Variants in MALRD1 observed in about 807,000 individuals in gnomAD.
The protein encoded by MALRD1 is MAM and LDL-receptor class A domain-containing protein 1.
A neutral mutation model predicts 242.1 loss-of-function variants in MALRD1; 247 were observed. That is an observed-to-expected ratio of 1.02 (90% CI 0.92 to 1.13). The LOEUF (loss-of-function observed/expected upper bound fraction) is 1.13, where lower values mean the gene tolerates loss of function less well. Among genes scored for constraint, MALRD1 ranks in the 50% most tolerant of loss-of-function variants. The pLI, the probability that MALRD1 is intolerant of heterozygous loss-of-function variation, is 0.00. For synonymous variants in MALRD1, 995 were observed against 866.6 expected, an observed-to-expected ratio of 1.15 and a Z score of -2.60; for missense variants, 2,989 against 2,533.1, an observed-to-expected ratio of 1.18 and a Z score of -3.86.
chr10:19,266,977 T>C (rs1318522296), intron 19 of MALRD1, among the ~76,000 whole-genome samples: 1 of 152,036 alleles, frequency 6.6e-6, no homozygotes, highest in East Asian at 1.9e-4. Flanking sequence ...AAAGGAAGTA[T>C]TTGCTTTTCA....
chr10:19,101,765 G>C (rs1450600563), intron 4 of MALRD1, among the ~76,000 whole-genome samples: 2 of 133,820 alleles, frequency 1.5e-5, no homozygotes, highest in African/African-American at 5.4e-5. Context: ...ATTATAATAT[G>C]TATATTATAT....
chr10:19,130,751 A>G (rs796235705), intron 8 of MALRD1, among the ~76,000 whole-genome samples: 5 of 152,232 alleles, frequency 3.3e-5, no homozygotes, highest in African/African-American at 1.2e-4. Flanking sequence ...GTAATTATGA[A>G]TGTATATAGA....
At chr10:19,088,536 C>CTTTT (rs748953378) in intron 4 of MALRD1, among the ~76,000 whole-genome samples, 32 of 109,990 alleles carry the variant, frequency 2.9e-4, no homozygotes, top group Non-Finnish European at 4.1e-4. Context: ...CTCTTTCTTT[C>CTTTT]TTTTTTTTTT....
chr10:19,228,448 T>G (rs1312397863), intron 18 of MALRD1, among the ~76,000 whole-genome samples: 2 of 152,212 alleles, frequency 1.3e-5, no homozygotes, highest in African/African-American at 4.8e-5. Flanking sequence ...GCAGATTTTC[T>G]GTATCTTGAT....
Position 19,234,336 on chromosome 10 carries a change from A to G in MALRD1, c.2992-23348A>G, listed in dbSNP as rs149865416. On this transcript the variant is annotated intron_variant, in intron 18 of 39. Coordinates refer to ENST00000454679, the MANE Select transcript of MALRD1 (RefSeq NM_001142308.3). The stretch of plus-strand genomic sequence containing the variant: ...CTTAAAAATACTCTCATCTTTTTTT[A>G]TATGCTGACATGAATTCTAATTATT... Among the ~76,000 whole-genome samples, 861 of 152,168 alleles carry G rather than the reference A, an allele frequency of 5.7e-3. 12 individuals carry two copies. Among genetic ancestry groups the G allele is most frequent in the African/African-American group, 0.02 (827 of 41,562 alleles).
intron 31 of MALRD1, among the ~76,000 whole-genome samples, chr10:19,507,895 C>A (rs532920409): frequency 6.6e-6 from 1 of 152,212 alleles, no homozygotes; most frequent in Non-Finnish European, 1.5e-5. Context: ...ATAATTCATT[C>A]ATCAGGAAAT....
At position 19,505,509 on chromosome 10, in the gene MALRD1, A is replaced by G. The variant is rs114224327; in HGVS notation, c.5320+6863A>G. Among the ~76,000 whole-genome samples, 304 of 152,322 alleles carry G rather than the reference A, an allele frequency of 2.0e-3. 2 individuals are homozygous for G. Among genetic ancestry groups the G allele is most frequent in the African/African-American group, 5.9e-3 (247 of 41,580 alleles). ...AAGGAAAGAGGCCTCAGGAGAAATC[A>G]GATCTCCTGGCACCTTGGTCTTGGA... is the stretch of plus-strand genomic sequence containing the variant. On this transcript the variant is annotated intron_variant, in intron 31 of 39. Transcript: ENST00000454679.
At chr10:19,100,869 A>T (rs1340121082) in intron 4 of MALRD1, among the ~76,000 whole-genome samples, 1 of 152,082 alleles carries the variant, frequency 6.6e-6, no homozygotes, top group Admixed American at 6.6e-5. Flanking sequence ...CTTCTTTTTT[A>T]AACTATGGTG....
chr10:19,427,397 G>A (rs1833942933), intron 28 of MALRD1, among the ~76,000 whole-genome samples: 1 of 152,118 alleles, frequency 6.6e-6, no homozygotes, highest in African/African-American at 2.4e-5. Context: ...TCTCACCCTG[G>A]TGTTTCAGCA....
In MALRD1 at chr10:19,695,155, G is replaced by T. The variant is rs4747381; in HGVS notation, c.6314+2601G>T. Among the ~76,000 whole-genome samples the T allele has an allele frequency of 2.0e-4, 31 of 152,082 alleles. 1 individual carries two copies. Among genetic ancestry groups the T allele is most frequent in the Admixed American group, 1.8e-3 (28 of 15,264 alleles). On this transcript the variant is annotated intron_variant, in intron 38 of 39. Transcript: ENST00000454679. ...GTTAATGGGTGCAGCACACCAACAT[G>T]GTGCATGTATACATATGTAAAAAAC...
chr10:19,058,003 T>C (rs1291682582), intron 1 of MALRD1, among the ~76,000 whole-genome samples: 1 of 152,212 alleles, frequency 6.6e-6, no homozygotes, highest in Non-Finnish European at 1.5e-5. Context: ...AAATAGCTGA[T>C]AGTAATTTCA....
chr10:19,702,254 A>G (rs924557925), intron 38 of MALRD1, among the ~76,000 whole-genome samples: 1 of 152,198 alleles, frequency 6.6e-6, no homozygotes, highest in South Asian at 2.1e-4. Flanking sequence ...CCACTACAGC[A>G]AGTTTAATTT....
At chr10:19,363,754 G>A (rs914958175) in intron 26 of MALRD1, among the ~76,000 whole-genome samples, 1 of 152,128 alleles carries the variant, frequency 6.6e-6, no homozygotes, top group Non-Finnish European at 1.5e-5. Context: ...TACAGAAGGA[G>A]GGTTAGTCCT....
intron 38 of MALRD1, among the ~76,000 whole-genome samples, chr10:19,719,211 TAC>T (rs796121333): frequency 0.039 from 840 of 21,372 alleles, 63 homozygotes; most frequent in African/African-American, 0.16. Context: ...TATATATATA[TAC>T]ACATACATAC....
chr10:19,693,127 G>A (rs2131826342), intron 38 of MALRD1, among the ~76,000 whole-genome samples: 1 of 151,874 alleles, frequency 6.6e-6, no homozygotes, highest in East Asian at 1.9e-4. Context: ...CATACTGAAT[G>A]GGCAAAAGCT....
intron 27 of MALRD1, among the ~76,000 whole-genome samples, chr10:19,388,504 AT>A (rs1488251645): frequency 6.6e-6 from 1 of 152,216 alleles, no homozygotes; most frequent in East Asian, 1.9e-4. Flanking sequence ...AGTCATTTAA[AT>A]TTCAGATTTT....
Position 19,600,243 on chromosome 10 carries a change from G to A in MALRD1, c.5944+4786G>A, listed in dbSNP as rs529491026. 2.0e-5 allele frequency among the ~76,000 whole-genome samples: 3 copies of A among 152,268 alleles called. No homozygotes were observed. In the East Asian group the frequency reaches 5.8e-4, roughly 29 times the overall value. On this transcript the variant is annotated intron_variant, in intron 34 of 39. Coordinates refer to ENST00000454679, the MANE Select transcript of MALRD1 (RefSeq NM_001142308.3). ...TCCGATAGTGATTTTGAACAACAGT[G>A]TAAAGATTATTCCTCTGCATTTACC...
At chr10:19,101,806 A>G (rs1273615323) in intron 4 of MALRD1, among the ~76,000 whole-genome samples, 1 of 136,388 alleles carries the variant, frequency 7.3e-6, no homozygotes, top group Non-Finnish European at 1.5e-5. Context: ...TACATATAGA[A>G]TAAATTTATA....
At chr10:19,207,746 C>G (rs1250961165) in intron 17 of MALRD1, among the ~76,000 whole-genome samples, 1 of 152,170 alleles carries the variant, frequency 6.6e-6, no homozygotes. Flanking sequence ...GAGTGATCTG[C>G]CCGCCTTGGC....
Sources: gnomAD v4.1 joint callset for allele counts (sites outside exome capture counted in the v4.1 genomes callset) on GRCh38, gnomAD v4.1.1 for gene constraint, MANE v1.5 for transcripts, NCBI Gene and HGNC (gene_info 2026-07-23, HGNC 2026-07-21) for gene names.